The following GRID1 variants were observed in gnomAD, a reference collection of about 807,000 sequenced individuals.
The protein encoded by GRID1 is glutamate ionotropic receptor delta type subunit 1, also known as glutamate receptor ionotropic, delta-1.
GRID1 carries 28 observed loss-of-function variants against 98.0 expected under a neutral mutation model. The ratio of observed to expected loss-of-function variants is 0.29; its 90% CI spans 0.21 to 0.39. The LOEUF (loss-of-function observed/expected upper bound fraction) is 0.39. GRID1 is among the 10% of genes least tolerant of loss of function. The pLI is 1.00. For synonymous variants in GRID1, 553 were observed against 538.5 expected (o/e 1.03, Z -0.37); for missense variants, 1,111 against 1,340.5 (o/e 0.83, Z 2.67).
intron 8 of GRID1, among the ~76,000 whole-genome samples, chr10:85,846,863 A>G (rs1019490081): frequency 3.4e-4 from 52 of 152,356 alleles, no homozygotes; most frequent in African/African-American, 1.3e-3. Context: ...CAGGAAATAA[A>G]GTTTCCAAGA....
intron 4 of GRID1, among the ~76,000 whole-genome samples, chr10:86,074,628 T>G (rs183929972): frequency 1.3e-5 from 2 of 152,316 alleles, no homozygotes; most frequent in Admixed American, 6.5e-5. Flanking sequence ...ATTCCACATC[T>G]TTGCTATTGT....
At chr10:86,171,828 G>C (rs1845492253) in intron 3 of GRID1, among the ~76,000 whole-genome samples, 1 of 152,104 alleles carries the variant, frequency 6.6e-6, no homozygotes, top group Non-Finnish European at 1.5e-5. Flanking sequence ...TTCATATCAA[G>C]CATTTCAGAA....
intron 5 of GRID1, among the ~76,000 whole-genome samples, chr10:85,892,392 T>A (rs146171117): frequency 2.6e-5 from 4 of 151,634 alleles, no homozygotes; most frequent in African/African-American, 9.7e-5. Flanking sequence ...AGAACACACA[T>A]AATTAAGCAC....
chr10:85,976,128 C>G (rs1157313018), intron 4 of GRID1, among the ~76,000 whole-genome samples: 1 of 152,170 alleles, frequency 6.6e-6, no homozygotes, highest in Non-Finnish European at 1.5e-5. Flanking sequence ...CTATTCTCTT[C>G]TCTTTTTTCC....
intron 8 of GRID1, among the ~76,000 whole-genome samples, chr10:85,837,622 G>A (rs916608666): frequency 4.1e-5 from 6 of 146,346 alleles, no homozygotes; most frequent in Non-Finnish European, 7.5e-5. Context: ...CAGAGTCATC[G>A]AATAGGACAA....
chr10:85,937,763 C>A (rs926360730), intron 4 of GRID1, among the ~76,000 whole-genome samples: 3 of 152,078 alleles, frequency 2.0e-5, no homozygotes, highest in African/African-American at 7.2e-5. Flanking sequence ...GTGAGGGGGT[C>A]AAGGGTATCA....
chr10:85,789,192 A>G (rs1266218214), intron 8 of GRID1, among the ~76,000 whole-genome samples: 1 of 151,972 alleles, frequency 6.6e-6, no homozygotes, highest in Non-Finnish European at 1.5e-5. Flanking sequence ...CTACATGTCT[A>G]TTTATGATCT....
At chr10:86,049,454 A>G (rs1843469510) in intron 4 of GRID1, among the ~76,000 whole-genome samples, 1 of 152,220 alleles carries the variant, frequency 6.6e-6, no homozygotes, top group African/African-American at 2.4e-5. Flanking sequence ...TGCGGCTACT[A>G]TATGGCCCAG....
chr10:86,267,986 C>T (rs1043668289), intron 2 of GRID1, among the ~76,000 whole-genome samples: 3 of 152,232 alleles, frequency 2.0e-5, no homozygotes, highest in Non-Finnish European at 2.9e-5. Flanking sequence ...CACTGCTCTG[C>T]GCACCCACAG....
At chr10:86,031,361 G>A (rs1308228529) in intron 4 of GRID1, among the ~76,000 whole-genome samples, 1 of 151,984 alleles carries the variant, frequency 6.6e-6, no homozygotes, top group African/African-American at 2.4e-5. Context: ...TAAATGTTGA[G>A]TACACATGGA....
chr10:85,754,613 A>G (rs975089231), intron 8 of GRID1, among the ~76,000 whole-genome samples: 2 of 152,248 alleles, frequency 1.3e-5, no homozygotes, highest in Non-Finnish European at 1.5e-5. Context: ...AGAGCATATG[A>G]AAAGCAATGG....
intron 8 of GRID1, among the ~76,000 whole-genome samples, chr10:85,787,237 T>G (rs1018514303): frequency 6.6e-6 from 1 of 152,212 alleles, no homozygotes; most frequent in African/African-American, 2.4e-5. Flanking sequence ...TAAATGTGCC[T>G]GCCCCTGCCC....
intron 12 of GRID1, among the ~76,000 whole-genome samples, chr10:85,677,022 T>G (rs1346941146): frequency 1.3e-5 from 2 of 152,130 alleles, no homozygotes; most frequent in Non-Finnish European, 2.9e-5. Context: ...GAGAAATTAA[T>G]TTTTCAGCCC....
At chr10:85,702,239 G>A (rs1407352444) in intron 12 of GRID1, among the ~76,000 whole-genome samples, 2 of 151,934 alleles carry the variant, frequency 1.3e-5, no homozygotes, top group Non-Finnish European at 2.9e-5. Context: ...TACTAGCAGA[G>A]TCAAAGCAAG....
At chr10:86,171,389 G>C (rs1220405037) in intron 3 of GRID1, among the ~76,000 whole-genome samples, 1 of 152,208 alleles carries the variant, frequency 6.6e-6, no homozygotes, top group African/African-American at 2.4e-5. Context: ...GGGTCAGCTA[G>C]CTCTGTGTCT....
At chr10:85,918,091 A>C (rs1239537048) in intron 4 of GRID1, among the ~76,000 whole-genome samples, 2 of 150,720 alleles carry the variant, frequency 1.3e-5, no homozygotes, top group African/African-American at 4.9e-5. Flanking sequence ...ATTCCCAACA[A>C]TTCAACATTT....
At chr10:86,027,426 C>A (rs1589342177) in intron 4 of GRID1, among the ~76,000 whole-genome samples, 1 of 152,350 alleles carries the variant, frequency 6.6e-6, no homozygotes, top group East Asian at 1.9e-4. Context: ...TGTGTCAGAA[C>A]TGCATTCCTT....
At position 85,633,589 on chromosome 10, in the gene GRID1, T is replaced by A. The variant is rs537122960; in HGVS notation, c.2194-13556A>T. Among the ~76,000 whole-genome samples the A allele has an allele frequency of 1.2e-4, 19 of 152,298 alleles. No individual in the cohort carries two copies. In the South Asian group the frequency reaches 3.9e-3, roughly 32 times the overall value. ...GATAGAGAAGCAAAATTGCATGCTATCCCAATTAATATTAACGAACATCCC... is the reference window on the plus strand; with the variant it reads ...GATAGAGAAGCAAAATTGCATGCTAACCCAATTAATATTAACGAACATCCC... On this transcript the variant is annotated intron_variant, in intron 13 of 15. Coordinates refer to ENST00000327946, the MANE Select transcript of GRID1 (RefSeq NM_017551.3).
At chr10:85,911,367 A>T (rs1841535182) in intron 5 of GRID1, among the ~76,000 whole-genome samples, 1 of 152,146 alleles carries the variant, frequency 6.6e-6, no homozygotes, top group Non-Finnish European at 1.5e-5. Context: ...TCTTGAGTCA[A>T]GCTGGATCTC....
Sources: gnomAD v4.1 joint callset for allele counts (sites outside exome capture counted in the v4.1 genomes callset) on GRCh38, gnomAD v4.1.1 for gene constraint, MANE v1.5 for transcripts, NCBI Gene and HGNC (gene_info 2026-07-23, HGNC 2026-07-21) for gene names.